Variants in NELL1 observed in about 807,000 individuals in gnomAD.
NELL1 encodes neural EGFL like 1, also known as protein kinase C-binding protein NELL1.
NELL1 carries 76 observed loss-of-function variants against 107.4 expected under a neutral mutation model. The observed-to-expected ratio is 0.71, with a 90% CI of 0.59 to 0.86. NELL1 has a LOEUF of 0.86. Among genes scored for constraint, NELL1 ranks in the 40% least tolerant of loss-of-function variants. NELL1 has a pLI of 0.00. For synonymous variants in NELL1, 353 were observed against 341.2 expected (o/e 1.03, Z -0.38); for missense variants, 1,024 against 1,005.5 (o/e 1.02, Z -0.25).
chr11:20,762,404 C>G (rs766014912), intron 2 of NELL1, among the ~76,000 whole-genome samples: 1 of 152,206 alleles, frequency 6.6e-6, no homozygotes, highest in Admixed American at 6.5e-5. Flanking sequence ...TGCTATCAAA[C>G]TTGTCATATT....
intron 11 of NELL1, among the ~76,000 whole-genome samples, chr11:20,955,317 A>C: frequency 6.6e-6 from 1 of 152,122 alleles, no homozygotes; most frequent in East Asian, 1.9e-4. Context: ...GCTGGATGTA[A>C]CTCATCTAGG....
At chr11:21,065,651 T>G (rs1853850211) in intron 12 of NELL1, among the ~76,000 whole-genome samples, 1 of 152,236 alleles carries the variant, frequency 6.6e-6, no homozygotes, top group Admixed American at 6.5e-5. Context: ...AGATGTCAAC[T>G]GTGGAGTAAA....
intron 5 of NELL1, among the ~76,000 whole-genome samples, chr11:20,890,164 GT>G (rs1416388018): frequency 6.6e-6 from 1 of 152,144 alleles, no homozygotes. Flanking sequence ...CAACTCTGCT[GT>G]TCTCCAGCCT....
intron 2 of NELL1, among the ~76,000 whole-genome samples, chr11:20,704,935 C>G (rs1320068892): frequency 6.6e-6 from 1 of 152,028 alleles, no homozygotes; most frequent in African/African-American, 2.4e-5. Flanking sequence ...GAATAAAATA[C>G]CTAGGAATCC....
intron 14 of NELL1, among the ~76,000 whole-genome samples, chr11:21,326,890 T>C (rs1159761716): frequency 2.0e-5 from 3 of 152,172 alleles, no homozygotes; most frequent in Non-Finnish European, 4.4e-5. Flanking sequence ...AATAGTTGGA[T>C]TGGATTTATG....
chr11:21,340,673 A>C (rs1180579599), intron 14 of NELL1, among the ~76,000 whole-genome samples: 1 of 151,104 alleles, frequency 6.6e-6, no homozygotes, highest in African/African-American at 2.4e-5. Context: ...AATGAGAGAG[A>C]ATGAGAGAGA....
chr11:21,104,538 C>A (rs569361883), intron 12 of NELL1, among the ~76,000 whole-genome samples: 2 of 152,274 alleles, frequency 1.3e-5, no homozygotes, highest in Admixed American at 1.3e-4. Context: ...AAAATGTCAG[C>A]AATCCAACAC....
intron 14 of NELL1, among the ~76,000 whole-genome samples, chr11:21,301,144 T>C (rs1416066400): frequency 1.3e-5 from 2 of 152,140 alleles, no homozygotes; most frequent in Non-Finnish European, 2.9e-5. Flanking sequence ...CAGTCTGTCA[T>C]TGATGGACAT....
intron 9 of NELL1, among the ~76,000 whole-genome samples, chr11:20,935,540 A>G (rs74429843): frequency 0.015 from 2,303 of 152,296 alleles, 53 homozygotes; most frequent in African/African-American, 0.052. Flanking sequence ...AAGAAGCCTC[A>G]TGAATGGCCT....
rs562822981 is a variant in NELL1 at position 20,758,660 on chromosome 11, T to C, written c.185-25020T>C. ...GGTCCTCTCAGGCCAGATTTCTTAG[T>C]GTTGGTACTTGACATTTGAGGCTAG... On this transcript the variant is annotated intron_variant, in intron 2 of 19. Transcript: ENST00000357134. 8.5e-5 allele frequency among the ~76,000 whole-genome samples: 13 copies of C among 152,298 alleles called. No homozygotes were observed. In the East Asian group the frequency reaches 1.4e-3, roughly 16 times the overall value.
intron 15 of NELL1, among the ~76,000 whole-genome samples, chr11:21,520,716 A>G (rs906101226): frequency 6.6e-6 from 1 of 151,954 alleles, no homozygotes; most frequent in Admixed American, 6.6e-5. Flanking sequence ...GTGCATCAGC[A>G]CCCGCTTAAG....
intron 2 of NELL1, among the ~76,000 whole-genome samples, chr11:20,696,021 T>C (rs554907031): frequency 1.3e-5 from 2 of 152,256 alleles, no homozygotes; most frequent in South Asian, 4.1e-4. Flanking sequence ...GTTACGTGTT[T>C]CCAGGAATTT....
chr11:20,940,087 T>C lies in NELL1; in HGVS notation c.1071+2228T>C, dbSNP rs533827697. 2.0e-5 allele frequency among the ~76,000 whole-genome samples: 3 copies of C among 152,150 alleles called. No homozygotes were observed. The East Asian group carries it at 5.8e-4, about 30-fold the overall frequency. On this transcript the variant is annotated intron_variant, in intron 10 of 19. Transcript: ENST00000357134. ...GGCTATCAAAGATGGCTTCTTTACTTTTCTGTCTAGCACCTCAACAAAGAT... is the reference window on the plus strand; with the variant it reads ...GGCTATCAAAGATGGCTTCTTTACTCTTCTGTCTAGCACCTCAACAAAGAT...
chr11:21,404,398 T>C (rs936148742), intron 15 of NELL1, among the ~76,000 whole-genome samples: 2 of 151,942 alleles, frequency 1.3e-5, no homozygotes, highest in Non-Finnish European at 2.9e-5. Flanking sequence ...GAAGGAACTT[T>C]AGAGTATGTG....
chr11:20,714,056 C>G (rs2133899595), intron 2 of NELL1, among the ~76,000 whole-genome samples: 1 of 152,094 alleles, frequency 6.6e-6, no homozygotes, highest in East Asian at 1.9e-4. Context: ...TTCAAAGGAT[C>G]AATGCATTCT....
intron 5 of NELL1, among the ~76,000 whole-genome samples, chr11:20,915,720 T>TATATATATATA (rs1564964761): frequency 9.0e-6 from 1 of 111,556 alleles, no homozygotes. Context: ...TATATATATT[T>TATATATATATA]TTTTTTTTTT....
intron 15 of NELL1, among the ~76,000 whole-genome samples, chr11:21,517,992 T>C (rs1311654130): frequency 6.6e-6 from 1 of 151,870 alleles, no homozygotes; most frequent in African/African-American, 2.4e-5. Context: ...TGTAAAGATA[T>C]TTTTAAGCCA....
intron 3 of NELL1, among the ~76,000 whole-genome samples, chr11:20,832,130 C>A (rs1418816132): frequency 6.6e-6 from 1 of 152,192 alleles, no homozygotes; most frequent in Non-Finnish European, 1.5e-5. Flanking sequence ...TACTACATAG[C>A]CCTCACCTGT....
At chr11:21,249,428 T>C (rs183423192) in intron 14 of NELL1, among the ~76,000 whole-genome samples, 1 of 150,046 alleles carries the variant, frequency 6.7e-6, no homozygotes. Flanking sequence ...CAGTTACTTA[T>C]TTTTTTTTTC....
Sources: gnomAD v4.1 joint callset for allele counts (sites outside exome capture counted in the v4.1 genomes callset) on GRCh38, gnomAD v4.1.1 for gene constraint, MANE v1.5 for transcripts, NCBI Gene and HGNC (gene_info 2026-07-23, HGNC 2026-07-21) for gene names.